The following TSHR variants were observed in gnomAD, a reference collection of about 807,000 sequenced individuals.
TSHR encodes thyrotropin receptor.
In TSHR, 51 loss-of-function variants were observed where a neutral mutation model predicts 64.1. The observed-to-expected ratio is 0.80, with a 90% CI of 0.64 to 1.01. The LOEUF is 1.01. Among genes scored for constraint, TSHR ranks in the 50% least tolerant of loss-of-function variants. TSHR has a pLI of 0.00. For missense variants in TSHR, 877 were observed against 942.8 expected, an observed-to-expected ratio of 0.93 and a Z score of 0.91; for synonymous variants, 361 against 361.9, an observed-to-expected ratio of 1.00 and a Z score of 0.03.
chr14:81,130,304 G>T (rs1307180039), intron 8 of TSHR, among the ~76,000 whole-genome samples: 1 of 152,046 alleles, frequency 6.6e-6, no homozygotes, highest in Admixed American at 6.5e-5. Flanking sequence ...TTCCCACCAT[G>T]CCACTAAAAC....
At chr14:80,981,822 G>C (rs984660639) in intron 1 of TSHR, among the ~76,000 whole-genome samples, 4 of 152,140 alleles carry the variant, frequency 2.6e-5, no homozygotes, top group South Asian at 2.1e-4. Flanking sequence ...GTTGACAGAG[G>C]CTGCATGTTT....
At chr14:81,019,566 C>T (rs1218987701) in intron 1 of TSHR, among the ~76,000 whole-genome samples, 1 of 151,284 alleles carries the variant, frequency 6.6e-6, no homozygotes, top group African/African-American at 2.4e-5. Flanking sequence ...CCCATCAACC[C>T]GTCATCTACA....
intron 1 of TSHR, among the ~76,000 whole-genome samples, chr14:81,022,267 C>A (rs1181699903): frequency 2.0e-5 from 3 of 152,098 alleles, no homozygotes; most frequent in Non-Finnish European, 1.5e-5. Context: ...GAGACTCCGT[C>A]TCAAAAACAA....
intron 1 of TSHR, among the ~76,000 whole-genome samples, chr14:81,015,571 G>C (rs1890139004): frequency 6.6e-6 from 1 of 152,046 alleles, no homozygotes; most frequent in Non-Finnish European, 1.5e-5. Flanking sequence ...ATATATCGTA[G>C]AATAGCTAAA....
chr14:81,087,980 C>T lies in TSHR; in HGVS notation c.344C>T (p.Thr115Ile), dbSNP rs919983067. Residue 115 changes from threonine (T) to isoleucine (I), a missense_variant, in exon 4 of 10, where the codon ACT (threonine) becomes ATT (isoleucine). By Grantham distance (89) the Thr-to-Ile change is moderately conservative (BLOSUM62 -1). Coordinates refer to ENST00000298171, the MANE Select transcript of TSHR (RefSeq NM_000369.5). ...HIEIRNTRNLTYIDPDALKEL... is the reference protein window; with the variant it reads ...HIEIRNTRNLIYIDPDALKEL... ...GAAATTCGGAATACCAGGAACTTAA[C>T]TTACATAGACCCTGATGCCCTCAAA... 4.3e-6 allele frequency: 7 copies of T among 1,613,774 alleles called. No homozygotes were observed. Among genetic ancestry groups the T allele is most frequent in the Non-Finnish European group, 5.1e-6 (6 of 1,179,794 alleles).
chr14:81,032,144 GAGAT>G (rs902201931), intron 1 of TSHR, among the ~76,000 whole-genome samples: 1 of 152,164 alleles, frequency 6.6e-6, no homozygotes, highest in Admixed American at 6.5e-5. Context: ...ATTGAACAAA[GAGAT>G]AGATATCATT....
intron 7 of TSHR, among the ~76,000 whole-genome samples, chr14:81,100,152 AC>A (rs2140008468): frequency 6.6e-6 from 1 of 152,332 alleles, no homozygotes; most frequent in African/African-American, 2.4e-5. Flanking sequence ...AATGGGTGTT[AC>A]TTTTTAAAAG....
intron 4 of TSHR, among the ~76,000 whole-genome samples, chr14:81,089,662 T>G (rs1326071015): frequency 6.6e-6 from 1 of 152,120 alleles, no homozygotes; most frequent in African/African-American, 2.4e-5. Context: ...CACAGCATGG[T>G]TTTAAGGGAC....
intron 1 of TSHR, among the ~76,000 whole-genome samples, chr14:80,990,907 G>A (rs1469907277): frequency 1.3e-5 from 2 of 152,110 alleles, no homozygotes; most frequent in African/African-American, 2.4e-5. Flanking sequence ...CACCCACCTC[G>A]GCCTCACAAA....
chr14:80,993,283 T>C (rs980184782), intron 1 of TSHR: 1 of 152,200 alleles, frequency 6.6e-6, no homozygotes, highest in Non-Finnish European at 1.5e-5. Context: ...AGAGATTGTG[T>C]CACACAATAC....
chr14:81,143,599 T>C lies in TSHR; in HGVS notation c.1541T>C (p.Val514Ala). Residue 514 changes from valine (V) to alanine (A), a missense_variant, in exon 10 of 10, where the codon GTC (valine) becomes GCC (alanine). By Grantham distance (64) the Val-to-Ala change is moderately conservative. Coordinates refer to ENST00000298171, the MANE Select transcript of TSHR (RefSeq NM_000369.5). ...GAGTTATCGGTGTATACGCTGACGG[T>C]CATCACCCTGGAGCGCTGGTATGCC... ...ASELSVYTLT[V>A]ITLERWYAIT... is the part of the protein sequence containing the mutation. 6.2e-7 allele frequency: 1 copy of C among 1,613,724 alleles called. No homozygotes were observed. Among genetic ancestry groups the C allele is most frequent in the Non-Finnish European group, 8.5e-7 (1 of 1,180,036 alleles).
chr14:81,088,477 C>T (rs540245189), intron 4 of TSHR, among the ~76,000 whole-genome samples: 1 of 152,218 alleles, frequency 6.6e-6, no homozygotes, highest in Admixed American at 6.5e-5. Flanking sequence ...CCTCCCACTC[C>T]AGCACTCAAA....
Position 81,047,664 on chromosome 14 carries a change from C to CTTTTTTTT in TSHR, c.171-14474_171-14467dup, listed in dbSNP as rs11462189. ...GATGACACATGTTTGTTCATTGGCT[C>CTTTTTTTT]TTTTTTTTTTTTTTTTTGAGACAGT... On this transcript the variant is annotated intron_variant, in intron 1 of 9. Transcript: ENST00000298171. 3.4e-3 allele frequency among the ~76,000 whole-genome samples: 458 copies of CTTTTTTTT among 135,438 alleles called. 7 individuals are homozygous for CTTTTTTTT. Among genetic ancestry groups the CTTTTTTTT allele is most frequent in the African/African-American group, 0.012 (441 of 36,598 alleles). 88.9% of individuals were successfully genotyped at this position (135,438 alleles called of 152,430 possible).
chr14:81,028,049 C>A (rs1884160561), intron 1 of TSHR, among the ~76,000 whole-genome samples: 1 of 152,060 alleles, frequency 6.6e-6, no homozygotes, highest in South Asian at 2.1e-4. Context: ...CTAAAAGCAT[C>A]ATTCATAGTG....
intron 1 of TSHR, chr14:80,982,895 TA>T: frequency 2.0e-6 from 1 of 509,424 alleles, no homozygotes; most frequent in Non-Finnish European, 3.6e-6. Context: ...ATTAGGGAGG[TA>T]AATGGGATTA....
intron 3 of TSHR, among the ~76,000 whole-genome samples, chr14:81,070,438 C>A (rs1333287932): frequency 6.6e-6 from 1 of 151,798 alleles, no homozygotes; most frequent in Admixed American, 6.6e-5. Flanking sequence ...ACCATCCAGG[C>A]CAACATGGTG....
chr14:81,012,037 C>T (rs1366268768), intron 1 of TSHR: 1 of 151,868 alleles, frequency 6.6e-6, no homozygotes, highest in Admixed American at 6.6e-5. Context: ...TGCGCTGCAC[C>T]CACTAACTCG....
At chr14:81,069,601 A>G (rs1408832324) in intron 3 of TSHR, among the ~76,000 whole-genome samples, 4 of 152,220 alleles carry the variant, frequency 2.6e-5, no homozygotes, top group Non-Finnish European at 1.5e-5. Context: ...AGGTTTAGGC[A>G]TCTATTAGGG....
At chr14:81,030,556 G>A (rs1323317933) in intron 1 of TSHR, among the ~76,000 whole-genome samples, 1 of 151,942 alleles carries the variant, frequency 6.6e-6, no homozygotes, top group Non-Finnish European at 1.5e-5. Context: ...TAAAAATCAG[G>A]CAGGGAAATA....
Sources: allele counts gnomAD v4.1 joint callset (sites outside exome capture counted in the v4.1 genomes callset), GRCh38; gene constraint gnomAD v4.1.1; transcripts MANE v1.5; gene names NCBI Gene and HGNC (gene_info 2026-07-23, HGNC 2026-07-21).